Variants in SUGCT observed in about 807,000 individuals in gnomAD.
SUGCT encodes the protein succinyl-CoA:glutarate CoA-transferase.
In SUGCT, 41 loss-of-function variants were observed where a neutral mutation model predicts 55.0. That is an observed-to-expected ratio of 0.74 (90% CI 0.58 to 0.97). The LOEUF is 0.97. Ranked by LOEUF, SUGCT falls within the 50% of genes least tolerant of loss-of-function variation. SUGCT has a pLI of 0.00. For missense variants in SUGCT, 568 were observed against 547.8 expected, an observed-to-expected ratio of 1.04 and a Z score of -0.37; for synonymous variants, 187 against 200.4, an observed-to-expected ratio of 0.93 and a Z score of 0.56.
At chr7:40,381,857 T>C (rs1208365073) in intron 9 of SUGCT, among the ~76,000 whole-genome samples, 2 of 151,998 alleles carry the variant, frequency 1.3e-5, no homozygotes, top group African/African-American at 4.8e-5. Context: ...TATTTTTTTA[T>C]GTTAATCATT....
intron 12 of SUGCT, among the ~76,000 whole-genome samples, chr7:40,570,818 G>A (rs1796403439): frequency 6.9e-6 from 1 of 144,088 alleles, no homozygotes; most frequent in Non-Finnish European, 1.5e-5. Context: ...TTTGCAACAG[G>A]TACACTCCCC....
chr7:40,896,607 C>T, the SUGCT span, among the ~76,000 whole-genome samples: 1 of 152,164 alleles, frequency 6.6e-6, no homozygotes, highest in Non-Finnish European at 1.5e-5. Flanking sequence ...GGCACTTCTC[C>T]TTGTTGCCAC....
At chr7:41,009,076 AT>A in the SUGCT span, among the ~76,000 whole-genome samples, 1 of 152,054 alleles carries the variant, frequency 6.6e-6, no homozygotes, top group Non-Finnish European at 1.5e-5. Flanking sequence ...TTAGCCGGGT[AT>A]GGTGGATCAT....
At chr7:40,322,985 A>AATAAAATAAAATAAAATAAT (rs1378554656) in intron 9 of SUGCT, among the ~76,000 whole-genome samples, 9 of 151,950 alleles carry the variant, frequency 5.9e-5, no homozygotes, top group African/African-American at 2.2e-4. Flanking sequence ...AATAAAATAA[A>AATAAAATAAAATAAAATAAT]ATAAAATAAA....
intron 12 of SUGCT, among the ~76,000 whole-genome samples, chr7:40,712,298 T>A (rs947588666): frequency 2.6e-5 from 4 of 152,228 alleles, no homozygotes; most frequent in African/African-American, 4.8e-5. Context: ...AAATATAACC[T>A]ACCTCCTCTT....
chr7:40,913,720 C>T, the SUGCT span, among the ~76,000 whole-genome samples: 22,722 of 152,084 alleles, frequency 0.15, 1,973 homozygotes, highest in African/African-American at 0.24. Flanking sequence ...GCTGTGGGCT[C>T]GCTGGATTCA....
chr7:40,291,744 C>G (rs1038609653), intron 8 of SUGCT, among the ~76,000 whole-genome samples: 1 of 152,002 alleles, frequency 6.6e-6, no homozygotes. Context: ...GTACTATGCT[C>G]ACCTATTTCT....
At chr7:40,605,303 G>A (rs1292921683) in intron 12 of SUGCT, among the ~76,000 whole-genome samples, 5 of 152,194 alleles carry the variant, frequency 3.3e-5, no homozygotes, top group Non-Finnish European at 7.3e-5. Context: ...ATTCAGTTCA[G>A]TGGCACAATA....
At chr7:40,415,168 G>C (rs1786927826) in intron 9 of SUGCT, among the ~76,000 whole-genome samples, 1 of 149,932 alleles carries the variant, frequency 6.7e-6, no homozygotes, top group South Asian at 2.1e-4. Flanking sequence ...CTACTCAGAG[G>C]CTGAGGCAGG....
chr7:40,980,240 C>G, the SUGCT span, among the ~76,000 whole-genome samples: 2 of 152,146 alleles, frequency 1.3e-5, no homozygotes, highest in East Asian at 3.9e-4. Flanking sequence ...CACTTATTAT[C>G]TCATCCACCC....
chr7:41,011,750 A>G, the SUGCT span, among the ~76,000 whole-genome samples: 1 of 152,224 alleles, frequency 6.6e-6, no homozygotes, highest in Non-Finnish European at 1.5e-5. Flanking sequence ...TGGATAGGTT[A>G]TACAAATTAC....
At chr7:40,976,812 C>T in the SUGCT span, among the ~76,000 whole-genome samples, 3 of 152,204 alleles carry the variant, frequency 2.0e-5, no homozygotes, top group Non-Finnish European at 4.4e-5. Context: ...TTTAAAGCAA[C>T]AGTCAAATGA....
intron 9 of SUGCT, among the ~76,000 whole-genome samples, chr7:40,365,005 A>C (rs1181881497): frequency 6.6e-6 from 1 of 152,170 alleles, no homozygotes; most frequent in African/African-American, 2.4e-5. Context: ...TTGATGCAAA[A>C]ATGCTCAATA....
chr7:40,148,474 G>A (rs187287566), intron 1 of SUGCT, among the ~76,000 whole-genome samples: 7 of 152,046 alleles, frequency 4.6e-5, no homozygotes, highest in Admixed American at 2.0e-4. Flanking sequence ...GAGAAACCTC[G>A]TCTCTACTAA....
At chr7:40,911,297 G>A in the SUGCT span, among the ~76,000 whole-genome samples, 1 of 152,134 alleles carries the variant, frequency 6.6e-6, no homozygotes, top group Admixed American at 6.5e-5. Context: ...TGTACTTGCT[G>A]TTTTGGAAAT....
chr7:40,620,813 A>T (rs1019306104), intron 12 of SUGCT, among the ~76,000 whole-genome samples: 2 of 152,262 alleles, frequency 1.3e-5, no homozygotes, highest in African/African-American at 4.8e-5. Context: ...GTGTTAATTT[A>T]TAGGACTGCT....
At chr7:40,178,217 A>G (rs1785019689) in intron 1 of SUGCT, among the ~76,000 whole-genome samples, 1 of 152,074 alleles carries the variant, frequency 6.6e-6, no homozygotes, top group Non-Finnish European at 1.5e-5. Context: ...CATTTCCTAC[A>G]GTGTTTCAGG....
chr7:40,727,073 C>T (rs1018892522), intron 12 of SUGCT, among the ~76,000 whole-genome samples: 5 of 152,182 alleles, frequency 3.3e-5, no homozygotes, highest in South Asian at 4.1e-4. Flanking sequence ...GTCATGCTAT[C>T]GTGTTATTAT....
chr7:40,234,873 C>T (rs1048840406), intron 6 of SUGCT, among the ~76,000 whole-genome samples: 5 of 150,840 alleles, frequency 3.3e-5, no homozygotes, highest in South Asian at 2.1e-4. Context: ...GGTGCCACTG[C>T]GCTCCGGTCT....
Sources: allele counts gnomAD v4.1 joint callset (sites outside exome capture counted in the v4.1 genomes callset), GRCh38; gene constraint gnomAD v4.1.1; transcripts MANE v1.5; gene names NCBI Gene and HGNC (gene_info 2026-07-23, HGNC 2026-07-21).